The following PCOLCE2 variants were observed in gnomAD, a reference collection of about 807,000 sequenced individuals.
PCOLCE2 encodes the protein procollagen C-endopeptidase enhancer 2, also known as procollagen C-proteinase enhancer 2.
Under a neutral mutation model 47.0 loss-of-function variants are expected in PCOLCE2, and 42 were observed. That is an observed-to-expected ratio of 0.89 (90% CI 0.70 to 1.16). The LOEUF (loss-of-function observed/expected upper bound fraction) is 1.16. Ranked by LOEUF, PCOLCE2 falls within the 50% of genes most tolerant of loss-of-function variation. PCOLCE2 has a pLI of 0.00. For missense variants in PCOLCE2, 500 were observed against 526.1 expected, an observed-to-expected ratio of 0.95 and a Z score of 0.49; for synonymous variants, 169 against 191.7, an observed-to-expected ratio of 0.88 and a Z score of 0.98.
In PCOLCE2 at chr3:142,842,762, G is replaced by A. The variant is rs895394392; in HGVS notation, c.573+162C>T. Reference sequence around the variant, plus strand: ...CTCAAAAAAAAAAAAAAATATCTGGGGTCTTCGCATGAAGAAATACCTGTG... The same window carrying A: ...CTCAAAAAAAAAAAAAAATATCTGGAGTCTTCGCATGAAGAAATACCTGTG... On this transcript the variant is annotated intron_variant, in intron 4 of 8. Transcript: ENST00000295992. This position sits in a 1 kb window ranked among gnomAD's most constrained non-coding sequence, Gnocchi z 4.1. Among the ~76,000 whole-genome samples the A allele has an allele frequency of 1.3e-5, 2 of 151,942 alleles. No individual in the cohort carries two copies. The highest frequency in any genetic ancestry group is 2.4e-5 in the African/African-American group (1 of 41,344).
chr3:142,875,438 T>C (rs1377107382), intron 2 of PCOLCE2, among the ~76,000 whole-genome samples: 1 of 152,130 alleles, frequency 6.6e-6, no homozygotes, highest in Non-Finnish European at 1.5e-5. Context: ...ACCTAAATTA[T>C]CACATGATCC....
At chr3:142,843,449 T>C (rs2108194811) in intron 3 of PCOLCE2, 2 of 336,258 alleles carry the variant, frequency 5.9e-6, no homozygotes, top group African/African-American at 2.2e-5. Flanking sequence ...TTAGTTGATA[T>C]AGACAGCTCT....
chr3:142,838,378 C>T (rs1937228033), intron 5 of PCOLCE2, among the ~76,000 whole-genome samples: 1 of 152,046 alleles, frequency 6.6e-6, no homozygotes, highest in South Asian at 2.1e-4. Context: ...AAACACCATC[C>T]ACCTTGGCGA....
chr3:142,864,871 T>C (rs1426267645), intron 2 of PCOLCE2, among the ~76,000 whole-genome samples: 1 of 152,268 alleles, frequency 6.6e-6, no homozygotes, highest in East Asian at 1.9e-4. Flanking sequence ...TTCCATTGTA[T>C]GAATATGCCA....
At chr3:142,871,956 G>A (rs1463966633) in intron 2 of PCOLCE2, among the ~76,000 whole-genome samples, 1 of 151,808 alleles carries the variant, frequency 6.6e-6, no homozygotes, top group African/African-American at 2.4e-5. Context: ...TTGTCCATTT[G>A]CCCCTCCAGA....
intron 2 of PCOLCE2, among the ~76,000 whole-genome samples, chr3:142,886,969 C>T (rs1361974643): frequency 1.3e-5 from 2 of 152,086 alleles, no homozygotes; most frequent in African/African-American, 2.4e-5. Context: ...TTCCCAACAA[C>T]GAAAAAGTGA....
chr3:142,879,970 CAAAAAA>C (rs772887718), intron 2 of PCOLCE2, among the ~76,000 whole-genome samples: 1 of 53,510 alleles, frequency 1.9e-5, no homozygotes, highest in East Asian at 6.2e-4. Flanking sequence ...GACTCCATCT[CAAAAAA>C]AAAAAAAAAA....
At chr3:142,827,143 T>C in intron 6 of PCOLCE2, 3 of 1,445,236 alleles carry the variant, frequency 2.1e-6, no homozygotes, top group Non-Finnish European at 2.9e-6. Flanking sequence ...AGACGTCCAG[T>C]CTGGCGGGCA....
chr3:142,872,864 CT>C (rs1287856762), intron 2 of PCOLCE2, among the ~76,000 whole-genome samples: 2 of 152,240 alleles, frequency 1.3e-5, no homozygotes, highest in East Asian at 3.9e-4. Flanking sequence ...TTAATTCATC[CT>C]CAGAATATAT....
intron 2 of PCOLCE2, among the ~76,000 whole-genome samples, chr3:142,850,913 T>C (rs1932925226): frequency 6.6e-6 from 1 of 152,128 alleles, no homozygotes; most frequent in South Asian, 2.1e-4. Flanking sequence ...GCAAAACTGA[T>C]GAAGCAAGAG....
chr3:142,870,526 T>C (rs1427465444), intron 2 of PCOLCE2, among the ~76,000 whole-genome samples: 1 of 152,158 alleles, frequency 6.6e-6, no homozygotes, highest in African/African-American at 2.4e-5. Context: ...CCAAGCCCTT[T>C]GACCACAGTT....
intron 2 of PCOLCE2, among the ~76,000 whole-genome samples, chr3:142,885,221 C>T (rs1001506616): frequency 9.9e-5 from 15 of 152,140 alleles, no homozygotes; most frequent in Admixed American, 3.3e-4. Flanking sequence ...AACCATTTAG[C>T]GGTGAAAGCT....
intron 3 of PCOLCE2, among the ~76,000 whole-genome samples, chr3:142,847,375 A>C (rs558722954): frequency 1.3e-5 from 2 of 152,314 alleles, no homozygotes; most frequent in East Asian, 3.9e-4. Context: ...TGACCTTTCA[A>C]GTAAAAATGT....
At chr3:142,848,977 C>T (rs1937361056) in intron 2 of PCOLCE2, among the ~76,000 whole-genome samples, 1 of 152,048 alleles carries the variant, frequency 6.6e-6, no homozygotes, top group South Asian at 2.1e-4. Context: ...CACAGTGAAA[C>T]CCCGTCTCTA....
At chr3:142,828,353 T>C (rs1346033862) in intron 6 of PCOLCE2, among the ~76,000 whole-genome samples, 2 of 152,222 alleles carry the variant, frequency 1.3e-5, no homozygotes, top group Admixed American at 1.3e-4. Context: ...ATGAAGCTTT[T>C]CAATTTTAAA....
intron 6 of PCOLCE2, among the ~76,000 whole-genome samples, chr3:142,825,040 T>C (rs1228247369): frequency 6.6e-6 from 1 of 152,142 alleles, no homozygotes; most frequent in Non-Finnish European, 1.5e-5. Flanking sequence ...ATAGCTTAAA[T>C]ATGCATTTTT....
At chr3:142,837,559 G>A (rs925871346) in intron 5 of PCOLCE2, among the ~76,000 whole-genome samples, 6 of 152,058 alleles carry the variant, frequency 3.9e-5, no homozygotes, top group African/African-American at 7.2e-5. Flanking sequence ...ATCTAATTAC[G>A]TTTAAGCAAC....
chr3:142,847,709 G>A (rs1937342411), intron 3 of PCOLCE2, among the ~76,000 whole-genome samples: 2 of 151,978 alleles, frequency 1.3e-5, no homozygotes, highest in African/African-American at 4.8e-5. Flanking sequence ...GATAATTTTT[G>A]TATTTTTTGT....
intron 2 of PCOLCE2, among the ~76,000 whole-genome samples, chr3:142,850,410 T>G (rs549009264): frequency 6.6e-5 from 10 of 152,252 alleles, no homozygotes. Context: ...CCAGAGTGAA[T>G]GTGGATAGAA....
Sources: allele counts gnomAD v4.1 joint callset (sites outside exome capture counted in the v4.1 genomes callset), GRCh38; gene constraint gnomAD v4.1.1; non-coding constraint Gnocchi (gnomAD v3.1); transcripts MANE v1.5; gene names NCBI Gene and HGNC (gene_info 2026-07-23, HGNC 2026-07-21).